RREB1: variants seen among roughly 807,000 people sequenced by gnomAD.
RREB1 encodes ras-responsive element-binding protein 1.
Under a neutral mutation model 117.8 loss-of-function variants are expected in RREB1, and 27 were observed. The ratio of observed to expected loss-of-function variants is 0.23; its 90% confidence interval spans 0.17 to 0.32. The LOEUF is 0.32. RREB1 is among the 10% of genes least tolerant of loss of function. The pLI, the probability that RREB1 is intolerant of heterozygous loss-of-function variation, is 1.00. For synonymous variants in RREB1, 1,298 were observed against 1,026.7 expected (o/e 1.26, Z -5.05); for missense variants, 2,577 against 2,378.2 (o/e 1.08, Z -1.74).
chr6:7,226,390 G>A, intron 8 of RREB1, 77 bp from the exon 9 acceptor site: 1 of 1,039,920 alleles, frequency 9.6e-7, no homozygotes, highest in Non-Finnish European at 1.4e-6. Context: ...AAGTCTGGAA[G>A]AGTGGAAACT....
intron 1 of RREB1, among the ~76,000 whole-genome samples, chr6:7,159,337 A>G (rs560287364): frequency 6.6e-6 from 1 of 152,326 alleles, no homozygotes; most frequent in East Asian, 1.9e-4. Context: ...GTTCACAGTC[A>G]CACTGAGAAA....
At chr6:7,117,410 T>G (rs1184697789) in intron 1 of RREB1, among the ~76,000 whole-genome samples, 9 of 132,212 alleles carry the variant, frequency 6.8e-5, no homozygotes, top group Non-Finnish European at 9.6e-5. Context: ...TTTTTTTTTT[T>G]TTTTTTTTTT....
intron 6 of RREB1, among the ~76,000 whole-genome samples, chr6:7,196,217 CGTTTTTTTTTTT>C (rs1765661375): frequency 9.1e-6 from 1 of 109,732 alleles, no homozygotes; most frequent in South Asian, 2.9e-4. Flanking sequence ...TTTTTTTTTT[CGTTTTTTTTTTT>C]TGTTTTTTTT....
intron 6 of RREB1, among the ~76,000 whole-genome samples, chr6:7,201,261 G>A (rs780624307): frequency 6.6e-6 from 1 of 152,178 alleles, no homozygotes; most frequent in South Asian, 2.1e-4. Flanking sequence ...AAGTCAAGAG[G>A]GAGCCTGACT....
chr6:7,195,493 C>G (rs1765620624), intron 6 of RREB1, among the ~76,000 whole-genome samples: 1 of 152,168 alleles, frequency 6.6e-6, no homozygotes, highest in Non-Finnish European at 1.5e-5. Context: ...TACCTGTGGG[C>G]CTGTGTTACG....
At chr6:7,182,947 C>CT (rs1157027215) in intron 4 of RREB1, 1 of 152,124 alleles carries the variant, frequency 6.6e-6, no homozygotes, top group African/African-American at 2.4e-5. Flanking sequence ...AACTAATTTT[C>CT]TTTTTTTATA....
intron 1 of RREB1, among the ~76,000 whole-genome samples, chr6:7,161,319 A>C (rs1326173505): frequency 1.3e-5 from 2 of 152,174 alleles, no homozygotes; most frequent in Admixed American, 1.3e-4. Context: ...AGTTACTTTG[A>C]GATCCACTAA....
intron 8 of RREB1, chr6:7,212,883 T>C (rs1227164212): frequency 6.6e-6 from 1 of 152,228 alleles, no homozygotes; most frequent in African/African-American, 2.4e-5. Context: ...CACATTAGCC[T>C]GACATTTTTC....
At chr6:7,200,342 A>G (rs958106894) in intron 6 of RREB1, among the ~76,000 whole-genome samples, 6 of 149,036 alleles carry the variant, frequency 4.0e-5, no homozygotes, top group South Asian at 2.1e-4. Context: ...CTGGAGCGCA[A>G]TGGCACAATC....
At position 7,211,984 on chromosome 6, in the gene RREB1, G is replaced by A. The variant is rs1325093876; in HGVS notation, c.707+275G>A. 4 of 427,556 alleles carry A rather than the reference G, an allele frequency of 9.4e-6. No homozygotes were observed. The South Asian group carries it at 1.0e-4, about 11-fold the overall frequency. 26.5% of individuals were successfully genotyped at this position (427,556 alleles called of 1,614,324 possible). ...CACCAGTGAGCCCCTGAACACTGGGGAGTCTGCTATCATGGGTGTTCTTGG... is the reference window on the plus strand; with the variant it reads ...CACCAGTGAGCCCCTGAACACTGGGAAGTCTGCTATCATGGGTGTTCTTGG... On this transcript the variant is annotated intron_variant, in intron 8 of 12. Transcript: ENST00000379938.
intron 1 of RREB1, among the ~76,000 whole-genome samples, chr6:7,117,132 T>C (rs1008698431): frequency 4.6e-5 from 7 of 152,220 alleles, no homozygotes; most frequent in Admixed American, 2.0e-4. Flanking sequence ...TATGTGTCTG[T>C]GTATGTGCAG....
At chr6:7,190,750 G>C (rs1419555922) in intron 6 of RREB1, among the ~76,000 whole-genome samples, 2 of 151,398 alleles carry the variant, frequency 1.3e-5, no homozygotes, top group Non-Finnish European at 2.9e-5. Context: ...TTTGCCTTCT[G>C]TTTAGGTCTG....
chr6:7,159,150 A>T (rs1020338397), intron 1 of RREB1, among the ~76,000 whole-genome samples: 1 of 152,200 alleles, frequency 6.6e-6, no homozygotes, highest in African/African-American at 2.4e-5. Context: ...ATTTAAAAGG[A>T]TCACTAAGGC....
chr6:7,112,573 C>T (rs1761196772), intron 1 of RREB1, among the ~76,000 whole-genome samples: 1 of 152,066 alleles, frequency 6.6e-6, no homozygotes, highest in African/African-American at 2.4e-5. Flanking sequence ...GTGAGGGTTG[C>T]AGGGTTGCAG....
In RREB1 at chr6:7,251,111, C is replaced by A. The variant is rs186412675; in HGVS notation, c.*2143C>A. ...GAAGCTGTGACTAAACTCTACGCTG[C>A]GGTGAGATGTAGCAGTAATCAGCTC... is the stretch of plus-strand genomic sequence containing the variant. On this transcript the variant is annotated 3_prime_UTR_variant, in exon 13 of 13. Coordinates refer to ENST00000379938, the MANE Select transcript of RREB1 (RefSeq NM_001003699.4). The A allele has an allele frequency of 5.9e-5, 9 of 152,118 alleles. No individual in the cohort carries two copies. The highest frequency in any genetic ancestry group is 1.0e-4 in the Non-Finnish European group (7 of 68,028). The allele number at this position is 152,118 out of a possible 1,614,324, so 9.4% of individuals were successfully genotyped here.
rs202213916 is a variant in RREB1 at position 7,230,693 on chromosome 6, C to T, written c.2594C>T (p.Pro865Leu). ...AAGCCCCTCACTGCCTTCCTGGAAC[C>T]CCAGAACGGCTTTCTTCACAGGGGC... Reference protein sequence around the residue: ...DCKPLTAFLEPQNGFLHRGPT... With the variant: ...DCKPLTAFLELQNGFLHRGPT... Residue 865 changes from proline (P) to leucine (L), a missense_variant, in exon 10 of 13, where the codon CCC becomes CTC. Physicochemically the swap from Pro to Leu is moderately conservative, Grantham distance 98. Coordinates refer to ENST00000379938, the MANE Select transcript of RREB1 (RefSeq NM_001003699.4). The T allele has an allele frequency of 6.3e-7, 1 of 1,593,782 alleles. No homozygotes were observed. Among genetic ancestry groups the T allele is most frequent in the East Asian group, 2.2e-5 (1 of 44,630 alleles).
At chr6:7,166,953 G>C (rs144559566) in intron 1 of RREB1, among the ~76,000 whole-genome samples, 1 of 152,276 alleles carries the variant, frequency 6.6e-6, no homozygotes, top group African/African-American at 2.4e-5. Flanking sequence ...CTTTACCCTA[G>C]CTTCTTACCA....
At chr6:7,234,110 C>T (rs898409005) in intron 10 of RREB1, among the ~76,000 whole-genome samples, 1 of 152,192 alleles carries the variant, frequency 6.6e-6, no homozygotes, top group Admixed American at 6.5e-5. Context: ...CCTTTCATAC[C>T]ACTGTCTCCC....
chr6:7,142,267 C>T (rs1015766408), intron 1 of RREB1, among the ~76,000 whole-genome samples: 4 of 152,068 alleles, frequency 2.6e-5, no homozygotes, highest in African/African-American at 9.7e-5. Context: ...TGGAGGACCA[C>T]ACAAAACCCA....
Sources: gnomAD v4.1 joint callset for allele counts (sites outside exome capture counted in the v4.1 genomes callset) on GRCh38, gnomAD v4.1.1 for gene constraint, MANE v1.5 for transcripts, NCBI Gene and HGNC (gene_info 2026-07-23, HGNC 2026-07-21) for gene names.